Variants in RARB observed in about 807,000 individuals in gnomAD.
RARB encodes HBV-activated protein.
Under a neutral mutation model 51.9 loss-of-function variants are expected in RARB, and 17 were observed. The observed-to-expected ratio is 0.33, with a 90% CI of 0.22 to 0.49. The LOEUF (loss-of-function observed/expected upper bound fraction) is 0.49. RARB is among the 20% of genes least tolerant of loss of function. The pLI is 0.99. For missense variants in RARB, 369 were observed against 550.8 expected, an observed-to-expected ratio of 0.67 and a Z score of 3.30; for synonymous variants, 215 against 195.4, an observed-to-expected ratio of 1.10 and a Z score of -0.84.
At chr3:25,566,697 C>T (rs1043610661) in intron 3 of RARB, among the ~76,000 whole-genome samples, 1 of 152,136 alleles carries the variant, frequency 6.6e-6, no homozygotes, top group Non-Finnish European at 1.5e-5. Context: ...TGGGTTTGCT[C>T]GTCTGAGTTT....
chr3:24,855,355 A>G (rs1042858917), intron 1 of RARB, among the ~76,000 whole-genome samples: 1 of 152,250 alleles, frequency 6.6e-6, no homozygotes, highest in Non-Finnish European at 1.5e-5. Context: ...AGGCCACAGC[A>G]ATACAATAGA....
At chr3:24,841,201 C>T (rs566658103) in intron 1 of RARB, among the ~76,000 whole-genome samples, 15 of 152,292 alleles carry the variant, frequency 9.8e-5, no homozygotes, top group African/African-American at 2.4e-4. Context: ...ATTCCATGGA[C>T]GTTTTCCCAT....
chr3:25,476,849 G>A (rs1695974746), intron 2 of RARB, among the ~76,000 whole-genome samples: 1 of 152,184 alleles, frequency 6.6e-6, no homozygotes, highest in Non-Finnish European at 1.5e-5. Flanking sequence ...TTCATGAATA[G>A]TTTACTTAGT....
chr3:24,967,412 T>C (rs983567675), intron 2 of RARB, among the ~76,000 whole-genome samples: 2 of 152,174 alleles, frequency 1.3e-5, no homozygotes, highest in Non-Finnish European at 2.9e-5. Flanking sequence ...AAATTCTAAG[T>C]AGCCGTTTTG....
At chr3:24,923,653 A>G (rs1259347805) in intron 2 of RARB, among the ~76,000 whole-genome samples, 1 of 152,176 alleles carries the variant, frequency 6.6e-6, no homozygotes, top group Admixed American at 6.6e-5. Flanking sequence ...AGGGCAAGGT[A>G]TAAGAATTAC....
At chr3:24,993,959 T>C in intron 2 of RARB, among the ~76,000 whole-genome samples, 1 of 152,138 alleles carries the variant, frequency 6.6e-6, no homozygotes. Flanking sequence ...AGTGCTGCAG[T>C]AAACATGGGA....
At chr3:25,048,529 T>C (rs1698261670) in intron 2 of RARB, among the ~76,000 whole-genome samples, 2 of 152,168 alleles carry the variant, frequency 1.3e-5, no homozygotes, top group African/African-American at 4.8e-5. Context: ...TTCACTCAAG[T>C]TGTTTTCTAA....
intron 2 of RARB, among the ~76,000 whole-genome samples, chr3:25,051,766 A>G (rs1698337606): frequency 6.6e-6 from 1 of 152,210 alleles, no homozygotes; most frequent in Non-Finnish European, 1.5e-5. Context: ...GGGGTATGAT[A>G]GAGGAGAGAA....
intron 3 of RARB, among the ~76,000 whole-genome samples, chr3:25,545,070 G>A (rs574964095): frequency 6.6e-6 from 1 of 151,976 alleles, no homozygotes; most frequent in Admixed American, 6.6e-5. Flanking sequence ...CAGGTGATCC[G>A]CCTGCCTCAG....
intron 2 of RARB, among the ~76,000 whole-genome samples, chr3:24,959,164 T>C (rs1391077989): frequency 6.6e-6 from 1 of 152,212 alleles, no homozygotes; most frequent in African/African-American, 2.4e-5. Context: ...TGCCTTTTCA[T>C]GTGAGGCAGT....
At chr3:25,460,299 A>T (rs1695111323) in intron 1 of RARB, among the ~76,000 whole-genome samples, 1 of 152,166 alleles carries the variant, frequency 6.6e-6, no homozygotes, top group Admixed American at 6.5e-5. Context: ...TTGAGTAGCA[A>T]GGATCTTACC....
chr3:25,160,046 T>C (rs1173278438), intron 4 of RARB, among the ~76,000 whole-genome samples: 3 of 152,222 alleles, frequency 2.0e-5, no homozygotes, highest in Non-Finnish European at 2.9e-5. Flanking sequence ...AGATTTGATA[T>C]TTTTGTTTCA....
chr3:25,380,651 C>T (rs578255939), intron 5 of RARB, among the ~76,000 whole-genome samples: 20 of 152,166 alleles, frequency 1.3e-4, no homozygotes, highest in African/African-American at 4.1e-4. Context: ...AATCAAATGG[C>T]GTTTCCTGTA....
chr3:25,374,202 C>A (rs1366710287), intron 5 of RARB, among the ~76,000 whole-genome samples: 1 of 152,018 alleles, frequency 6.6e-6, no homozygotes. Context: ...CACAGTAACA[C>A]ACGCAAATAC....
chr3:25,152,592 A>G (rs1045636312), intron 4 of RARB, among the ~76,000 whole-genome samples: 4 of 152,190 alleles, frequency 2.6e-5, no homozygotes, highest in African/African-American at 9.7e-5. Context: ...GTGTGTTTAT[A>G]TATAATACAC....
At chr3:25,153,508 A>G (rs780697572) in intron 4 of RARB, among the ~76,000 whole-genome samples, 26 of 152,294 alleles carry the variant, frequency 1.7e-4, no homozygotes, top group Middle Eastern at 3.4e-3. Flanking sequence ...TGACAATTCA[A>G]TGAGGTTAGG....
In RARB at chr3:24,973,680, A is replaced by G. The variant is rs531426319; in HGVS notation, c.-379-86445A>G. ...ACAGATCTTTCACATCTTTGGTTAA[A>G]TTTATTTCTAGGTATTTTATATTCT... On this transcript the variant is annotated intron_variant, in intron 2 of 11. Transcript: ENST00000383772. Among the ~76,000 whole-genome samples, 9 of 152,012 alleles carry G rather than the reference A, an allele frequency of 5.9e-5. No homozygotes were observed. In the South Asian group the frequency reaches 1.9e-3, roughly 31 times the overall value.
At chr3:25,483,117 A>G (rs1696311765) in intron 2 of RARB, among the ~76,000 whole-genome samples, 1 of 152,196 alleles carries the variant, frequency 6.6e-6, no homozygotes, top group Non-Finnish European at 1.5e-5. Context: ...TGTGAGAATT[A>G]CAGCCAAGCG....
intron 2 of RARB, among the ~76,000 whole-genome samples, chr3:24,993,918 A>G (rs1297743650): frequency 6.6e-6 from 1 of 152,080 alleles, no homozygotes; most frequent in Non-Finnish European, 1.5e-5. Flanking sequence ...ATTGGACACT[A>G]GGTTGATTCC....
Sources: gnomAD v4.1 joint callset for allele counts (sites outside exome capture counted in the v4.1 genomes callset) on GRCh38, gnomAD v4.1.1 for gene constraint, MANE v1.5 for transcripts, NCBI Gene and HGNC (gene_info 2026-07-23, HGNC 2026-07-21) for gene names.